The following MUC5AC variants were observed in gnomAD, a reference collection of about 807,000 sequenced individuals.
MUC5AC encodes mucin-5AC.
Under a neutral mutation model 169.7 loss-of-function variants are expected in MUC5AC, and 158 were observed. The observed-to-expected ratio is 0.93, with a 90% confidence interval of 0.82 to 1.06. The LOEUF (loss-of-function observed/expected upper bound fraction) is 1.06, where lower values mean the gene tolerates loss of function less well. MUC5AC is among the 50% of genes least tolerant of loss of function. The pLI, the probability that MUC5AC is intolerant of heterozygous loss-of-function variation, is 0.00. For missense variants in MUC5AC, 4,359 were observed against 3,089.9 expected, an observed-to-expected ratio of 1.41 and a Z score of -9.74; for synonymous variants, 1,975 against 1,237.0, an observed-to-expected ratio of 1.60 and a Z score of -12.52.
chr11:1,193,705 T>G (rs1564918184), intron 33 of MUC5AC, 46 bp downstream of exon 33: 1 of 751,572 alleles, frequency 1.3e-6, no homozygotes, highest in East Asian at 2.4e-5. Flanking sequence ...GGGCAGCCAC[T>G]CCCCACCCAG....
chr11:1,181,443 C>G lies in MUC5AC; in HGVS notation c.3993C>G (p.Phe1331Leu). 2.8e-6 allele frequency: 1 copy of G among 354,398 alleles called. No individual in the cohort carries two copies. The highest frequency in any genetic ancestry group is 1.6e-4 in the South Asian group (1 of 6,392). 22.0% of individuals were successfully genotyped at this position (354,398 alleles called of 1,614,324 possible). A position where few individuals can be genotyped will look rare whatever the true frequency, so the allele number is the denominator to read the frequency against. ...TTPVPPTTFS[F>L]STPPLVVSST... is the part of the protein sequence containing the mutation. ...CTGTCCCCCCAACCACCTTCTCCTT[C>G]TCCACACCCCCGCTTGGTAAGGCAA... The change falls in exon 30 of 49, where the codon TTC becomes TTG. Residue 1331 changes from phenylalanine (F) to leucine (L), a missense_variant. Transcript: ENST00000621226.
In MUC5AC at chr11:1,186,455, C is replaced by T. The variant is rs1277459238; in HGVS notation, c.8310C>T (p.Thr2770=). ...STTSTTSATT[T]STTSATTTST... ...CCAGCACAACCTCTGCGACTACAACCAGCACAACCTCTGCTACTACAACCA... is the reference window on the plus strand; with the variant it reads ...CCAGCACAACCTCTGCGACTACAACTAGCACAACCTCTGCTACTACAACCA... The change falls in exon 31 of 49, where the codon ACC becomes ACT. Residue 2770 remains threonine (T), a synonymous_variant. Transcript: ENST00000621226. 3 of 699,020 alleles carry T rather than the reference C, an allele frequency of 4.3e-6. No homozygotes were observed. The highest frequency in any genetic ancestry group is 3.5e-5 in the African/African-American group (2 of 57,146). 43.3% of individuals were successfully genotyped at this position (699,020 alleles called of 1,614,324 possible).
At chr11:1,169,257 T>A (rs1860425771) in intron 15 of MUC5AC, 1 of 817,444 alleles carries the variant, frequency 1.2e-6, no homozygotes. Flanking sequence ...CAAGTCTCTG[T>A]TGGTCAACAT....
At chr11:1,166,501 C>A (rs1440640584) in intron 11 of MUC5AC, among the ~76,000 whole-genome samples, 1 of 141,174 alleles carries the variant, frequency 7.1e-6, no homozygotes, top group Non-Finnish European at 1.5e-5. Context: ...ACGATGAGAC[C>A]CTGCACCCAA....
intron 38 of MUC5AC, 60 bp from the exon 39 acceptor site, chr11:1,196,557 G>A: frequency 3.9e-6 from 3 of 763,818 alleles, no homozygotes; most frequent in Non-Finnish European, 7.2e-6. Flanking sequence ...CCCACTCCCA[G>A]GCTGGGGTCC....
Position 1,200,435 on chromosome 11 carries a change from C to T in MUC5AC, c.16701-3C>T, listed in dbSNP as rs1197508015. On this transcript the variant is annotated splice_polypyrimidine_tract_variant and splice_region_variant and intron_variant, in intron 48 of 48. Coordinates refer to ENST00000621226, the MANE Select transcript of MUC5AC (RefSeq NM_001304359.2). ...GCTGGTGCTGAGCAGCCCCTGCCCA[C>T]AGGTACTCGCTCGAGGGCAACACGG... is the stretch of plus-strand genomic sequence containing the variant. The T allele has an allele frequency of 2.9e-6, 2 of 693,102 alleles. No individual in the cohort carries two copies. Among genetic ancestry groups the T allele is most frequent in the Non-Finnish European group, 2.6e-6 (1 of 378,028 alleles). 42.9% of individuals were successfully genotyped at this position (693,102 alleles called of 1,614,324 possible). A position where few individuals can be genotyped will look rare whatever the true frequency, so the allele number is the denominator to read the frequency against.
At position 1,191,905 on chromosome 11, in the gene MUC5AC, C is replaced by G. The variant is rs768208474; in HGVS notation, c.13760C>G (p.Ser4587Cys). The G allele has an allele frequency of 1.3e-6, 1 of 765,038 alleles. No homozygotes were observed. Among genetic ancestry groups the G allele is most frequent in the Non-Finnish European group, 2.4e-6 (1 of 417,770 alleles). The allele number at this position is 765,038 out of a possible 1,614,324, so 47.4% of individuals were successfully genotyped here. The change falls in exon 31 of 49, where the codon TCT (serine) becomes TGT (cysteine). Residue 4587 changes from serine to cysteine, a missense_variant. Coordinates refer to ENST00000621226, the MANE Select transcript of MUC5AC (RefSeq NM_001304359.2). ...TTSAPTTSTT[S>C]GPGTTPSPVP... ...TCTGCTCCTACAACCAGCACGACCT[C>G]TGGTCCTGGAACTACTCCCAGCCCC... is the stretch of plus-strand genomic sequence containing the variant.
chr11:1,177,333 A>T lies in MUC5AC; in HGVS notation c.2896A>T (p.Ile966Phe). ...GACCACCTGCTCCAAGGCCATCAAGATTTTCCTGGGGGTGAGCGAGGCTGG... is the reference window on the plus strand; with the variant it reads ...GACCACCTGCTCCAAGGCCATCAAGTTTTTCCTGGGGGTGAGCGAGGCTGG... ...TGTTCSKAIKIFLGGFELKLS... is the reference protein window; with the variant it reads ...TGTTCSKAIKFFLGGFELKLS... Residue 966 changes from isoleucine to phenylalanine, a missense_variant, in exon 23 of 49, where the codon ATT becomes TTT. Ile to Phe is a conservative substitution (Grantham distance 21). Transcript: ENST00000621226. The T allele has an allele frequency of 2.2e-6, 1 of 454,640 alleles. No homozygotes were observed. Among genetic ancestry groups the T allele is most frequent in the South Asian group, 7.7e-5 (1 of 13,058 alleles). The allele number at this position is 454,640 out of a possible 1,614,324, so 28.2% of individuals were successfully genotyped here. A position where few individuals can be genotyped will look rare whatever the true frequency, so the allele number is the denominator to read the frequency against.
chr11:1,165,319 A>G lies in MUC5AC; in HGVS notation c.1147A>G (p.Ile383Val). 1 of 1,612,140 alleles carries G rather than the reference A, an allele frequency of 6.2e-7. No individual in the cohort carries two copies. The highest frequency in any genetic ancestry group is 1.7e-4 in the Middle Eastern group (1 of 5,934). The change falls in exon 10 of 49, where the codon ATC becomes GTC. Residue 383 changes from isoleucine to valine, a missense_variant. Coordinates refer to ENST00000621226, the MANE Select transcript of MUC5AC (RefSeq NM_001304359.2). ...FCPEGTVLDD[I>V]GQTGCVPVSK... is the part of the protein sequence containing the mutation. ...CCCTGCAGGGACGGTGCTTGACGACATCGGCCAGACCGGCTGTGTCCCTGT... is the reference window on the plus strand; with the variant it reads ...CCCTGCAGGGACGGTGCTTGACGACGTCGGCCAGACCGGCTGTGTCCCTGT...
At chr11:1,180,318 C>T (rs958157465) in intron 27 of MUC5AC, 36 bp from the exon 28 acceptor site, 106 of 398,564 alleles carry the variant, frequency 2.7e-4, no homozygotes, top group Non-Finnish European at 6.2e-5. Context: ...GGACGACACT[C>T]GGTCTGGTTG....
At chr11:1,176,125 C>A in intron 19 of MUC5AC, 26 bp from the exon 20 acceptor site, 1 of 382,514 alleles carries the variant, frequency 2.6e-6, no homozygotes, top group South Asian at 1.4e-4. Flanking sequence ...CTGTGGCTGG[C>A]CCCCTGACGG....
chr11:1,194,231 C>T lies in MUC5AC; in HGVS notation c.14877C>T (p.Arg4959=), dbSNP rs528299547. 1.4e-5 allele frequency: 11 copies of T among 764,836 alleles called. No homozygotes were observed. Among genetic ancestry groups the T allele is most frequent in the Admixed American group, 5.1e-5 (3 of 58,974 alleles). The allele number at this position is 764,836 out of a possible 1,614,324, so 47.4% of individuals were successfully genotyped here. ...QQIVPVYGHF[R]VLVDNYFCGA... is the part of the protein sequence containing the mutation. Reference sequence around the variant, plus strand: ...TTGTGCCCGTGTATGGCCACTTCCGCGTGCTCGTCGACAACTACTTCTGCG... The same window carrying T: ...TTGTGCCCGTGTATGGCCACTTCCGTGTGCTCGTCGACAACTACTTCTGCG... The change falls in exon 34 of 49, where the codon CGC becomes CGT. Residue 4959 remains arginine (R), a synonymous_variant. Transcript: ENST00000621226.
At chr11:1,193,683 C>A in intron 33 of MUC5AC, 24 bp downstream of exon 33, 2 of 758,702 alleles carry the variant, frequency 2.6e-6, no homozygotes, top group Non-Finnish European at 2.4e-6. Context: ...CGAGCGGGAC[C>A]CAGGGCAGCC....
rs1165143161 is a variant in MUC5AC, at chr11:1,193,665, T to A, written c.14755+6T>A. 1.3e-6 allele frequency: 1 copy of A among 764,270 alleles called. No individual in the cohort carries two copies. Among genetic ancestry groups the A allele is most frequent in the Non-Finnish European group, 2.4e-6 (1 of 417,482 alleles). 47.3% of individuals were successfully genotyped at this position (764,270 alleles called of 1,614,324 possible). On this transcript the variant is annotated splice_donor_region_variant and intron_variant, in intron 33 of 48. Coordinates refer to ENST00000621226, the MANE Select transcript of MUC5AC (RefSeq NM_001304359.2). ...CCATCACTACCAGTGCCAGTGTGAG[T>A]GGAGCGCCGAGCGGGACCCAGGGCA...
In MUC5AC at chr11:1,196,049, T is replaced by C. The variant is rs754392241; in HGVS notation, c.15632T>C (p.Met5211Thr). The C allele has an allele frequency of 3.9e-6, 3 of 764,202 alleles. No individual in the cohort carries two copies. Among genetic ancestry groups the C allele is most frequent in the Admixed American group, 3.4e-5 (2 of 58,964 alleles). The allele number at this position is 764,202 out of a possible 1,614,324, so 47.3% of individuals were successfully genotyped here. The stretch of plus-strand genomic sequence containing the variant: ...GATTGGAGAGGCCGGACCGGCCACA[T>C]GTGCCGTGAGTGCCACCACTGTCCT... ...CIDWRGRTGHMCPFTCPADKV... is the reference protein window; with the variant it reads ...CIDWRGRTGHTCPFTCPADKV... The change falls in exon 37 of 49, where the codon ATG becomes ACG. Residue 5211 changes from methionine (M) to threonine (T), a missense_variant. Transcript: ENST00000621226.
chr11:1,171,467 CCTCA>C (rs1355730408), intron 15 of MUC5AC, among the ~76,000 whole-genome samples: 3 of 93,030 alleles, frequency 3.2e-5, no homozygotes, highest in East Asian at 7.0e-4. Flanking sequence ...CCATTCACCC[CCTCA>C]CTCACCCACT....
chr11:1,185,672 C>G lies in MUC5AC; in HGVS notation c.7527C>G (p.Thr2509=), dbSNP rs1473522072. Residue 2509 remains threonine (T), a synonymous_variant, in exon 31 of 49, where the codon ACC becomes ACG. Transcript: ENST00000621226. The stretch of plus-strand genomic sequence containing the variant: ...CCTCTTCTCCTACAACCAGCACAAC[C>G]TCTGCTCCTACAACCAGCACAACCT... The part of the protein sequence containing the change: ...STTSSPTTST[T]SAPTTSTTSA... 3 of 741,076 alleles carry G rather than the reference C, an allele frequency of 4.0e-6. No individual in the cohort carries two copies. The African/African-American group carries it at 5.1e-5, about 13-fold the overall frequency. 45.9% of individuals were successfully genotyped at this position (741,076 alleles called of 1,614,324 possible).
Position 1,187,922 on chromosome 11 carries a change from C to T in MUC5AC, c.9777C>T (p.Ile3259=), listed in dbSNP as rs1286158636. 9.3e-6 allele frequency: 7 copies of T among 756,736 alleles called. No homozygotes were observed. The African/African-American group carries it at 1.2e-4, about 13-fold the overall frequency. 46.9% of individuals were successfully genotyped at this position (756,736 alleles called of 1,614,324 possible). A position where few individuals can be genotyped will look rare whatever the true frequency, so the allele number is the denominator to read the frequency against. ...ACATCATCAGGAGTGGGGAAAAAAT[C>T]TGCCGCCGACCTGAGGAGATCACCA... The part of the protein sequence containing the change: ...YNNIIRSGEK[I]CRRPEEITRL... The change falls in exon 31 of 49, where the codon ATC becomes ATT. Residue 3259 remains isoleucine (I), a synonymous_variant. Transcript: ENST00000621226.
Position 1,199,391 on chromosome 11 carries a change from C to A in MUC5AC, c.16416C>A (p.Asp5472Glu). 1.4e-6 allele frequency: 1 copy of A among 722,514 alleles called. No individual in the cohort carries two copies. Among genetic ancestry groups the A allele is most frequent in the South Asian group, 1.5e-5 (1 of 68,846 alleles). The allele number at this position is 722,514 out of a possible 1,614,324, so 44.8% of individuals were successfully genotyped here. A position where few individuals can be genotyped will look rare whatever the true frequency, so the allele number is the denominator to read the frequency against. The change falls in exon 46 of 49, where the codon GAC becomes GAA. Residue 5472 changes from aspartate to glutamate, a missense_variant. Asp to Glu is a conservative substitution (Grantham distance 45, BLOSUM62 2). Transcript: ENST00000621226. ...HLFYPGETWS[D>E]AGNHCVTHQC... is the part of the protein sequence containing the mutation. ...TCCAGCCCGGCGAGACCTGGTCAGA[C>A]GCAGGGAACCACTGTGTGACCCACC...
Sources: gnomAD v4.1 joint callset for allele counts (sites outside exome capture counted in the v4.1 genomes callset) on GRCh38, gnomAD v4.1.1 for gene constraint, MANE v1.5 for transcripts, NCBI Gene and HGNC (gene_info 2026-07-23, HGNC 2026-07-21) for gene names.